SEMA4D: variants seen among roughly 807,000 people sequenced by gnomAD.
SEMA4D encodes semaphorin-4D.
A neutral mutation model predicts 74.8 loss-of-function variants in SEMA4D; 22 were observed. That is an observed-to-expected ratio of 0.29 (90% CI 0.21 to 0.42). The LOEUF (loss-of-function observed/expected upper bound fraction) is 0.42, where lower values mean the gene tolerates loss of function less well. SEMA4D is among the 10% of genes least tolerant of loss of function. The probability of loss-of-function intolerance (pLI) is 1.00; values close to 1 mark genes in which losing one functional copy is unlikely to be tolerated. For synonymous variants in SEMA4D, 445 were observed against 463.7 expected, an observed-to-expected ratio of 0.96 and a Z score of 0.52; for missense variants, 937 against 1,118.4, an observed-to-expected ratio of 0.84 and a Z score of 2.31.
intron 2 of SEMA4D, among the ~76,000 whole-genome samples, chr9:89,408,551 A>T (rs1184981130): frequency 6.6e-6 from 1 of 152,248 alleles, no homozygotes; most frequent in East Asian, 1.9e-4. Flanking sequence ...GACAAACATC[A>T]TACAGCCAGT....
intron 2 of SEMA4D, chr9:89,450,373 G>C: frequency 6.6e-6 from 7 of 1,061,760 alleles, no homozygotes; most frequent in Middle Eastern, 4.4e-4. Context: ...ATGAAAAGGC[G>C]TTTTGATGCC....
chr9:89,366,336 TAACA>T (rs1241705071), intron 16 of SEMA4D, among the ~76,000 whole-genome samples: 1 of 148,532 alleles, frequency 6.7e-6, no homozygotes, highest in Non-Finnish European at 1.5e-5. Context: ...TCCAAACTTA[TAACA>T]AACAAGCATT....
At chr9:89,380,855 A>G (rs1836869863) in intron 15 of SEMA4D, among the ~76,000 whole-genome samples, 200 bp downstream of exon 15, 1 of 152,170 alleles carries the variant, frequency 6.6e-6, no homozygotes, top group South Asian at 2.1e-4. Flanking sequence ...AAGCAGATAC[A>G]CTCTAAGTGG....
At chr9:89,443,494 A>C (rs1852135456) in intron 2 of SEMA4D, among the ~76,000 whole-genome samples, 1 of 152,172 alleles carries the variant, frequency 6.6e-6, no homozygotes. Flanking sequence ...CCTCCCAGTA[A>C]AGCACAGCGT....
chr9:89,490,452 T>C (rs1025373245), intron 1 of SEMA4D, among the ~76,000 whole-genome samples: 4 of 152,222 alleles, frequency 2.6e-5, no homozygotes, highest in Non-Finnish European at 5.9e-5. Context: ...TCGAATCCAG[T>C]AGAAACGGTA....
rs1839392098 is a variant in SEMA4D, at chr9:89,389,751, G to GAA, written c.775-706_775-705dup. 2.0e-5 allele frequency among the ~76,000 whole-genome samples: 3 copies of GAA among 152,302 alleles called. No homozygotes were observed. The South Asian group carries it at 6.2e-4, about 32-fold the overall frequency. ...CAGCCTTACTTATTTTGGACACAGG[G>GAA]AAAATGTTCCCCCTTCATCTCTGCT... On this transcript the variant is annotated intron_variant, in intron 9 of 15. Coordinates refer to ENST00000422704, the MANE Select transcript of SEMA4D (RefSeq NM_001371194.2).
At chr9:89,390,925 ACT>A (rs1310941296) in intron 9 of SEMA4D, among the ~76,000 whole-genome samples, 7 of 152,114 alleles carry the variant, frequency 4.6e-5, no homozygotes, top group African/African-American at 1.4e-4. Context: ...TTAATGTTTC[ACT>A]CTTAGGTAGA....
At chr9:89,450,496 G>C (rs1014665627) in intron 2 of SEMA4D, 66 of 1,359,674 alleles carry the variant, frequency 4.9e-5, no homozygotes, top group Non-Finnish European at 9.5e-6. Context: ...GAGAAGGAGG[G>C]TGAATTTGTT....
At position 89,381,350 on chromosome 9, in the gene SEMA4D, C is replaced by T. The variant is rs377360537; in HGVS notation, c.1447-4G>A. On this transcript the variant is annotated splice_polypyrimidine_tract_variant and splice_region_variant and intron_variant, in intron 13 of 15. Transcript: ENST00000422704. The surrounding 1 kb of genome is among the most constrained non-coding windows in gnomAD (Gnocchi z 4.6). Reference sequence around the variant, plus strand: ...CAGCATAGACAAACCTGTTGCCCTGCGTGTATGAGACAGAGAAGAACTAGC... The same window carrying T: ...CAGCATAGACAAACCTGTTGCCCTGTGTGTATGAGACAGAGAAGAACTAGC... 1.7e-5 allele frequency: 25 copies of T among 1,467,268 alleles called. No individual in the cohort carries two copies. The highest frequency in any genetic ancestry group is 2.3e-4 in the Middle Eastern group (1 of 4,324). 90.9% of individuals were successfully genotyped at this position (1,467,268 alleles called of 1,614,324 possible).
At chr9:89,396,629 C>T in intron 6 of SEMA4D, 108 bp downstream of exon 6, 1 of 964,534 alleles carries the variant, frequency 1.0e-6, no homozygotes. Context: ...CTGAGAAAAT[C>T]CTATTTTTTT....
chr9:89,421,030 T>C (rs996350525), intron 2 of SEMA4D, among the ~76,000 whole-genome samples: 11 of 152,304 alleles, frequency 7.2e-5, no homozygotes, highest in African/African-American at 2.6e-4. Flanking sequence ...GTGCAGCTAT[T>C]AGCACATCTA....
In SEMA4D at chr9:89,496,050, C is replaced by T. The variant is rs549518209; in HGVS notation, c.-310+1869G>A. Among the ~76,000 whole-genome samples, 63 of 152,256 alleles carry T rather than the reference C, an allele frequency of 4.1e-4. No homozygotes were observed. The South Asian group carries it at 0.012, about 30-fold the overall frequency. ...GGCTCTAGGTAACATCTGCCTCCAGCGGTCCACATGGAGAGGACTGTCCAC... is the reference window on the plus strand; with the variant it reads ...GGCTCTAGGTAACATCTGCCTCCAGTGGTCCACATGGAGAGGACTGTCCAC... On this transcript the variant is annotated intron_variant, in intron 1 of 15. Coordinates refer to ENST00000422704, the MANE Select transcript of SEMA4D (RefSeq NM_001371194.2).
intron 9 of SEMA4D, among the ~76,000 whole-genome samples, chr9:89,390,378 C>G (rs533844282): frequency 6.7e-6 from 1 of 149,896 alleles, no homozygotes; most frequent in South Asian, 2.1e-4. Context: ...GGCTGCGGGG[C>G]AGCTGGAGGA....
intron 1 of SEMA4D, among the ~76,000 whole-genome samples, chr9:89,478,935 G>A (rs1372128136): frequency 6.6e-6 from 1 of 152,178 alleles, no homozygotes; most frequent in African/African-American, 2.4e-5. Flanking sequence ...CCCAGCTTCA[G>A]TCAGCTCATC....
chr9:89,406,229 G>A (rs1000778868), intron 2 of SEMA4D, among the ~76,000 whole-genome samples: 19 of 152,100 alleles, frequency 1.2e-4, no homozygotes, highest in Admixed American at 3.3e-4. Context: ...ACACATGCAC[G>A]GATGTACACC....
chr9:89,397,394 A>T (rs1051361247), intron 5 of SEMA4D, among the ~76,000 whole-genome samples: 32 of 152,114 alleles, frequency 2.1e-4, no homozygotes, highest in South Asian at 4.1e-4. Context: ...CTTGCACAGA[A>T]CTAGGAACAG....
At chr9:89,386,126 C>T (rs138536636) in intron 13 of SEMA4D, 1 of 969,610 alleles carries the variant, frequency 1.0e-6, no homozygotes, top group East Asian at 1.1e-4. Flanking sequence ...AACTCAATGA[C>T]ATTCCAGCAA....
chr9:89,395,493 A>C (rs1840761238), intron 6 of SEMA4D, among the ~76,000 whole-genome samples: 1 of 152,214 alleles, frequency 6.6e-6, no homozygotes. Flanking sequence ...CTCTAACCTC[A>C]ACAGCTAACC....
At chr9:89,371,806 TG>T (rs1472567309) in intron 16 of SEMA4D, among the ~76,000 whole-genome samples, 5 of 23,670 alleles carry the variant, frequency 2.1e-4, no homozygotes, top group African/African-American at 5.6e-4. Context: ...GGTGTGTGTG[TG>T]GGGGGTGTGT....
Sources: allele counts gnomAD v4.1 joint callset (sites outside exome capture counted in the v4.1 genomes callset), GRCh38; gene constraint gnomAD v4.1.1; non-coding constraint Gnocchi (gnomAD v3.1); transcripts MANE v1.5; gene names NCBI Gene and HGNC (gene_info 2026-07-23, HGNC 2026-07-21).